The following HOXC8 variants were observed in gnomAD, a reference collection of about 807,000 sequenced individuals.
HOXC8 encodes homeobox protein Hox-C8.
HOXC8 carries 14 observed loss-of-function variants against 25.8 expected under a neutral mutation model. The observed-to-expected ratio is 0.54, with a 90% CI of 0.36 to 0.85. The LOEUF (loss-of-function observed/expected upper bound fraction) is 0.85, where lower values mean the gene tolerates loss of function less well. Among genes scored for constraint, HOXC8 ranks in the 40% least tolerant of loss-of-function variants. The pLI is 0.01. For missense variants in HOXC8, 316 were observed against 308.8 expected, an observed-to-expected ratio of 1.02 and a Z score of -0.17; for synonymous variants, 144 against 124.6, an observed-to-expected ratio of 1.16 and a Z score of -1.04.
rs747127573 is a variant in HOXC8, at chr12:54,009,740, T to C, written c.436+20T>C. 9 of 1,601,464 alleles carry C rather than the reference T, an allele frequency of 5.6e-6. No homozygotes were observed. The highest frequency in any genetic ancestry group is 4.3e-6 in the Non-Finnish European group (5 of 1,169,802). On this transcript the variant is annotated intron_variant, in intron 1 of 1. Transcript: ENST00000040584. This position sits in a 1 kb window ranked among gnomAD's most constrained non-coding sequence, Gnocchi z 5.0. ...CCCACGGTGAGAAGCCTTTTCTCTT[T>C]CCCCCTTGGTCTCCCGCGCTCCAGG...
At position 54,011,150 on chromosome 12, in the gene HOXC8, G is replaced by A. The variant is rs1263749779; in HGVS notation, c.498G>A (p.Lys166=). Residue 166 remains lysine (K), a synonymous_variant, in exon 2 of 2, where the codon AAG becomes AAA. Coordinates refer to ENST00000040584, the MANE Select transcript of HOXC8 (RefSeq NM_022658.4). ...GGTATCAGACCTTGGAACTAGAAAA[G>A]GAGTTTCTCTTTAATCCTTATTTGA... ...YSRYQTLELE[K]EFLFNPYLTR... 58 of 1,614,026 alleles carry A rather than the reference G, an allele frequency of 3.6e-5. No individual in the cohort carries two copies. The highest frequency in any genetic ancestry group is 4.3e-5 in the Non-Finnish European group (51 of 1,180,036).
Position 54,009,375 on chromosome 12 carries a change from A to G in HOXC8, c.91A>G (p.Ser31Gly), listed in dbSNP as rs1450533433. The change falls in exon 1 of 2, where the codon AGC becomes GGC. Residue 31 changes from serine (S) to glycine (G), a missense_variant. Ser to Gly is a moderately conservative substitution (Grantham distance 56). Transcript: ENST00000040584. The surrounding 1 kb of genome is among the most constrained non-coding windows in gnomAD (Gnocchi z 5.0). Reference sequence around the variant, plus strand: ...CTATTACGACTGCCGGTTCCCTCAGAGCGTGGGCAGGAGCCATGCGCTGGT... The same window carrying G: ...CTATTACGACTGCCGGTTCCCTCAGGGCGTGGGCAGGAGCCATGCGCTGGT... Reference protein sequence around the residue: ...PAYYDCRFPQSVGRSHALVYG... With the variant: ...PAYYDCRFPQGVGRSHALVYG... 1.9e-6 allele frequency: 3 copies of G among 1,613,724 alleles called. No individual in the cohort carries two copies. The African/African-American group carries it at 4.0e-5, about 22-fold the overall frequency.
chr12:54,009,050 T>TCGCCGCCCGC lies in HOXC8; in HGVS notation c.-227_-218dup, dbSNP rs1555183143. The TCGCCGCCCGC allele has an allele frequency of 6.6e-6, 1 of 151,130 alleles. No individual in the cohort carries two copies. Among genetic ancestry groups the TCGCCGCCCGC allele is most frequent in the Non-Finnish European group, 1.4e-5 (1 of 70,936 alleles). The allele number at this position is 151,130 out of a possible 1,614,324, so 9.4% of individuals were successfully genotyped here. On this transcript the variant is annotated 5_prime_UTR_variant, in exon 1 of 2. Transcript: ENST00000040584. This position sits in a 1 kb window ranked among gnomAD's most constrained non-coding sequence, Gnocchi z 5.0. ...CGCCGCCGCCGCCGCCGCCGCCCGC[T>TCGCCGCCCGC]CGCCGCCCGCCGCCGCCGCCGCCCG...
chr12:54,009,513 T>C lies in HOXC8; in HGVS notation c.229T>C (p.Cys77Arg). The change falls in exon 1 of 2, where the codon TGC becomes CGC. Residue 77 changes from cysteine to arginine, a missense_variant. Cys to Arg is a radical substitution (Grantham distance 180). Coordinates refer to ENST00000040584, the MANE Select transcript of HOXC8 (RefSeq NM_022658.4). This position sits in a 1 kb window ranked among gnomAD's most constrained non-coding sequence, Gnocchi z 5.0. ...CAACTCAGGCTACCAGCAGAACCCGTGCTCGCTTAGCTGCCACGGAGACGC... is the reference window on the plus strand; with the variant it reads ...CAACTCAGGCTACCAGCAGAACCCGCGCTCGCTTAGCTGCCACGGAGACGC... ...ISNSGYQQNP[C>R]SLSCHGDASK... 6.2e-7 allele frequency: 1 copy of C among 1,614,200 alleles called. No homozygotes were observed. Among genetic ancestry groups the C allele is most frequent in the Non-Finnish European group, 8.5e-7 (1 of 1,180,022 alleles).
rs1158769722 is a variant in HOXC8 at position 54,009,328 on chromosome 12, C to G, written c.44C>G (p.Ala15Gly). ...AACCCCCTGTTCTCCAAATACAAAG[C>G]CGGCGAGTCCCTGGAACCGGCCTAT... ...FVNPLFSKYK[A>G]GESLEPAYYD... The change falls in exon 1 of 2, where the codon GCC (alanine) becomes GGC (glycine). Residue 15 changes from alanine (A) to glycine (G), a missense_variant. Transcript: ENST00000040584. This position sits in a 1 kb window ranked among gnomAD's most constrained non-coding sequence, Gnocchi z 5.0. 5 of 1,604,466 alleles carry G rather than the reference C, an allele frequency of 3.1e-6. No homozygotes were observed. The African/African-American group carries it at 6.7e-5, about 22-fold the overall frequency.
chr12:54,009,207 G>A lies in HOXC8; in HGVS notation c.-78G>A, dbSNP rs1939923372. 4.8e-6 allele frequency: 6 copies of A among 1,251,414 alleles called. No homozygotes were observed. Among genetic ancestry groups the A allele is most frequent in the Non-Finnish European group, 5.6e-6 (5 of 891,024 alleles). The allele number at this position is 1,251,414 out of a possible 1,614,324, so 77.5% of individuals were successfully genotyped here. A position where few individuals can be genotyped will look rare whatever the true frequency, so the allele number is the denominator to read the frequency against. On this transcript the variant is annotated 5_prime_UTR_variant, in exon 1 of 2. Transcript: ENST00000040584. This position sits in a 1 kb window ranked among gnomAD's most constrained non-coding sequence, Gnocchi z 5.0. The stretch of plus-strand genomic sequence containing the variant: ...GCTGGCCTGGGGTTCGGTCCCGGGG[G>A]GAGGGGAGTTTCGGGGGTACTGGGC...
chr12:54,011,151 G>C lies in HOXC8; in HGVS notation c.499G>C (p.Glu167Gln). The C allele has an allele frequency of 6.2e-7, 1 of 1,614,158 alleles. No homozygotes were observed. The highest frequency in any genetic ancestry group is 8.5e-7 in the Non-Finnish European group (1 of 1,180,036). ...GTATCAGACCTTGGAACTAGAAAAG[G>C]AGTTTCTCTTTAATCCTTATTTGAC... ...SRYQTLELEK[E>Q]FLFNPYLTRK... Residue 167 changes from glutamate to glutamine, a missense_variant, in exon 2 of 2, where the codon GAG becomes CAG. Coordinates refer to ENST00000040584, the MANE Select transcript of HOXC8 (RefSeq NM_022658.4).
At position 54,011,295 on chromosome 12, in the gene HOXC8, GGAGCCC is replaced by G; in HGVS notation, c.647_652del (p.Ala216_Arg217del). ...GGAGAACAACAAGGATAAACTGCCG[GGAGCCC>G]GAGATGAGGAGAAGGTGGAGGAAGA... On this transcript the variant is annotated inframe_deletion, in exon 2 of 2. Coordinates refer to ENST00000040584, the MANE Select transcript of HOXC8 (RefSeq NM_022658.4). 1 of 1,577,568 alleles carries G rather than the reference GGAGCCC, an allele frequency of 6.3e-7. No individual in the cohort carries two copies. The highest frequency in any genetic ancestry group is 8.6e-7 in the Non-Finnish European group (1 of 1,162,872).
chr12:54,010,108 C>G (rs1939951737), intron 1 of HOXC8, among the ~76,000 whole-genome samples: 1 of 152,188 alleles, frequency 6.6e-6, no homozygotes, highest in Admixed American at 6.5e-5. Context: ...TTGGAACAAA[C>G]CAGTTTCTCC....
rs1347597039 is a variant in HOXC8 at position 54,012,750 on chromosome 12, AAAG to A, written c.*1378_*1380del. On this transcript the variant is annotated 3_prime_UTR_variant, in exon 2 of 2. Coordinates refer to ENST00000040584, the MANE Select transcript of HOXC8 (RefSeq NM_022658.4). Reference sequence around the variant, plus strand: ...TTGTATACGTGAGTCATAATAATAAAAAGAAGAAGAAAAATAATAGAAGCTGGA... The same window carrying A: ...TTGTATACGTGAGTCATAATAATAAAAAGAAGAAAAATAATAGAAGCTGGA... Among the ~76,000 whole-genome samples, 3 of 152,326 alleles carry A rather than the reference AAAG, an allele frequency of 2.0e-5. No homozygotes were observed. In the East Asian group the frequency reaches 5.8e-4, roughly 29 times the overall value.
In HOXC8 at chr12:54,009,705, T is replaced by C. The variant is rs757002358; in HGVS notation, c.421T>C (p.Trp141Arg). The C allele has an allele frequency of 1.2e-6, 2 of 1,614,090 alleles. No individual in the cohort carries two copies. The highest frequency in any genetic ancestry group is 1.1e-5 in the South Asian group (1 of 91,078). The change falls in exon 1 of 2, where the codon TGG (tryptophan) becomes CGG (arginine). Residue 141 changes from tryptophan (W) to arginine (R), a missense_variant. Transcript: ENST00000040584. This position sits in a 1 kb window ranked among gnomAD's most constrained non-coding sequence, Gnocchi z 5.0. ...QNSSPSLMFPWMRPHAPGRRS... is the reference protein window; with the variant it reads ...QNSSPSLMFPRMRPHAPGRRS... ...CTCGTCTCCCAGCCTCATGTTTCCA[T>C]GGATGAGACCCCACGGTGAGAAGCC...
Position 54,012,650 on chromosome 12 carries a change from C to T in HOXC8, c.*1269C>T, listed in dbSNP as rs1334222354. 2.0e-5 allele frequency among the ~76,000 whole-genome samples: 3 copies of T among 152,072 alleles called. No individual in the cohort carries two copies. Among genetic ancestry groups the T allele is most frequent in the Non-Finnish European group, 4.4e-5 (3 of 68,014 alleles). ...TATATCTATAATAATAATTTTTTGT[C>T]ATTTGTCTTTATGTCCAGCTATGAA... is the stretch of plus-strand genomic sequence containing the variant. On this transcript the variant is annotated 3_prime_UTR_variant, in exon 2 of 2. Coordinates refer to ENST00000040584, the MANE Select transcript of HOXC8 (RefSeq NM_022658.4).
At position 54,011,395 on chromosome 12, in the gene HOXC8, A is replaced by G. The variant is rs560386503; in HGVS notation, c.*14A>G. The G allele has an allele frequency of 1.0e-5, 12 of 1,152,952 alleles. No individual in the cohort carries two copies. The highest frequency in any genetic ancestry group is 6.4e-5 in the Admixed American group (2 of 31,212). 71.4% of individuals were successfully genotyped at this position (1,152,952 alleles called of 1,614,324 possible). On this transcript the variant is annotated 3_prime_UTR_variant, in exon 2 of 2. Transcript: ENST00000040584. ...AACAAGGACTAAGCAAAAAAGAAAG[A>G]CCCCCCCCCCCTTAGCAACTCCCTT...
intron 1 of HOXC8, 108 bp from the exon 2 acceptor site, chr12:54,010,981 G>A: frequency 1.4e-6 from 1 of 734,296 alleles, no homozygotes; most frequent in Non-Finnish European, 2.3e-6. Context: ...TCCATAGAGG[G>A]GAGGCGAACT....
chr12:54,009,364 G>T lies in HOXC8; in HGVS notation c.80G>T (p.Arg27Leu), dbSNP rs748760999. The T allele has an allele frequency of 1.4e-5, 22 of 1,613,444 alleles. No homozygotes were observed. The East Asian group carries it at 3.8e-4, about 28-fold the overall frequency. ...CTGGAACCGGCCTATTACGACTGCC[G>T]GTTCCCTCAGAGCGTGGGCAGGAGC... ...ESLEPAYYDC[R>L]FPQSVGRSHA... The change falls in exon 1 of 2, where the codon CGG becomes CTG. Residue 27 changes from arginine (R) to leucine (L), a missense_variant. Transcript: ENST00000040584. The surrounding 1 kb of genome is among the most constrained non-coding windows in gnomAD (Gnocchi z 5.0).
rs781237355 is a variant in HOXC8 at position 54,009,261 on chromosome 12, G to A, written c.-24G>A. 2 of 1,545,398 alleles carry A rather than the reference G, an allele frequency of 1.3e-6. No homozygotes were observed. The highest frequency in any genetic ancestry group is 1.8e-6 in the Non-Finnish European group (2 of 1,141,844). Reference sequence around the variant, plus strand: ...GTACTCGTGAGCCAGAGGGGAGGGGGCCGCGGGTTTTCATGTACCCAGCAT... The same window carrying A: ...GTACTCGTGAGCCAGAGGGGAGGGGACCGCGGGTTTTCATGTACCCAGCAT... On this transcript the variant is annotated 5_prime_UTR_variant, in exon 1 of 2. Coordinates refer to ENST00000040584, the MANE Select transcript of HOXC8 (RefSeq NM_022658.4). This position sits in a 1 kb window ranked among gnomAD's most constrained non-coding sequence, Gnocchi z 5.0.
rs556070022 is a variant in HOXC8, at chr12:54,009,915, A to C, written c.436+195A>C. 1.3e-5 allele frequency among the ~76,000 whole-genome samples: 2 copies of C among 152,136 alleles called. No homozygotes were observed. Among genetic ancestry groups the C allele is most frequent in the Non-Finnish European group, 2.9e-5 (2 of 68,022 alleles). On this transcript the variant is annotated intron_variant, in intron 1 of 1. Coordinates refer to ENST00000040584, the MANE Select transcript of HOXC8 (RefSeq NM_022658.4). This position sits in a 1 kb window ranked among gnomAD's most constrained non-coding sequence, Gnocchi z 5.0. ...GGGGCGGGGCAGGGAGGGGGTGCCTAGAACATTTAGGGGATTGGGGTGAAG... is the reference window on the plus strand; with the variant it reads ...GGGGCGGGGCAGGGAGGGGGTGCCTCGAACATTTAGGGGATTGGGGTGAAG...
rs551832157 is a variant in HOXC8 at position 54,009,703 on chromosome 12, C to A, written c.419C>A (p.Pro140Gln). ...AACTCGTCTCCCAGCCTCATGTTTC[C>A]ATGGATGAGACCCCACGGTGAGAAG... ...NQNSSPSLMFPWMRPHAPGRR... is the reference protein window; with the variant it reads ...NQNSSPSLMFQWMRPHAPGRR... Residue 140 changes from proline (P) to glutamine (Q), a missense_variant, in exon 1 of 2, where the codon CCA becomes CAA. Pro to Gln is a moderately conservative substitution (Grantham distance 76). Transcript: ENST00000040584. The surrounding 1 kb of genome is among the most constrained non-coding windows in gnomAD (Gnocchi z 5.0). The A allele has an allele frequency of 2.7e-5, 44 of 1,614,098 alleles. No homozygotes were observed. Among genetic ancestry groups the A allele is most frequent in the Non-Finnish European group, 3.6e-5 (42 of 1,179,934 alleles).
chr12:54,009,695 C>G lies in HOXC8; in HGVS notation c.411C>G (p.Leu137=). 6.2e-7 allele frequency: 1 copy of G among 1,614,232 alleles called. No individual in the cohort carries two copies. Among genetic ancestry groups the G allele is most frequent in the Non-Finnish European group, 8.5e-7 (1 of 1,180,020 alleles). ...TAAATCAAAACTCGTCTCCCAGCCTCATGTTTCCATGGATGAGACCCCACG... is the reference window on the plus strand; with the variant it reads ...TAAATCAAAACTCGTCTCCCAGCCTGATGTTTCCATGGATGAGACCCCACG... ...GHLNQNSSPS[L]MFPWMRPHAP... is the part of the protein sequence containing the mutation. The change falls in exon 1 of 2, where the codon CTC becomes CTG. Residue 137 remains leucine (L), a synonymous_variant. Transcript: ENST00000040584. The surrounding 1 kb of genome is among the most constrained non-coding windows in gnomAD (Gnocchi z 5.0).
Sources: gnomAD v4.1 joint callset for allele counts (sites outside exome capture counted in the v4.1 genomes callset) on GRCh38, gnomAD v4.1.1 for gene constraint, Gnocchi (gnomAD v3.1) non-coding constraint, MANE v1.5 for transcripts, NCBI Gene and HGNC (gene_info 2026-07-23, HGNC 2026-07-21) for gene names.